The following PAX7 variants were observed in gnomAD, a reference collection of about 807,000 sequenced individuals.
PAX7 encodes the protein paired box protein Pax-7.
A neutral mutation model predicts 50.7 loss-of-function variants in PAX7; 18 were observed. The observed-to-expected ratio is 0.36, with a 90% CI of 0.25 to 0.53. The LOEUF (loss-of-function observed/expected upper bound fraction) is 0.53, where lower values mean the gene tolerates loss of function less well. PAX7 is among the 20% of genes least tolerant of loss of function. The pLI is 0.93. For missense variants in PAX7, 644 were observed against 702.9 expected, an observed-to-expected ratio of 0.92 and a Z score of 0.95; for synonymous variants, 310 against 290.4, an observed-to-expected ratio of 1.07 and a Z score of -0.69.
rs182975828 is a variant in PAX7 at position 18,639,097 on chromosome 1, C to T, written c.586+2726C>T. 9.3e-4 allele frequency among the ~76,000 whole-genome samples: 142 copies of T among 152,298 alleles called. 1 individual carries two copies. Among genetic ancestry groups the T allele is most frequent in the Non-Finnish European group, 1.6e-3 (106 of 68,030 alleles). On this transcript the variant is annotated intron_variant, in intron 4 of 8. Coordinates refer to ENST00000420770, the MANE Select transcript of PAX7 (RefSeq NM_001135254.2). ...TTTAAGCACTAAAGAGAGATCCCTCCCTGAGTCCGTTTTTTCCTATCGTCC... is the reference window on the plus strand; with the variant it reads ...TTTAAGCACTAAAGAGAGATCCCTCTCTGAGTCCGTTTTTTCCTATCGTCC...
intron 8 of PAX7, among the ~76,000 whole-genome samples, chr1:18,739,623 C>T (rs1409017891): frequency 6.6e-6 from 1 of 152,212 alleles, no homozygotes; most frequent in Admixed American, 6.5e-5. Flanking sequence ...CACAGCCACA[C>T]CTGCAGCCTG....
At position 18,688,519 on chromosome 1, in the gene PAX7, T is replaced by C. The variant is rs925180692; in HGVS notation, c.587-3235T>C. Among the ~76,000 whole-genome samples, 5 of 152,230 alleles carry C rather than the reference T, an allele frequency of 3.3e-5. No individual in the cohort carries two copies. In the East Asian group the frequency reaches 5.8e-4, roughly 18 times the overall value. Reference sequence around the variant, plus strand: ...CCCCATGTAGCTAGTACTGCCACATTGAACACTGCGAATCTAGAACGTTTC... The same window carrying C: ...CCCCATGTAGCTAGTACTGCCACATCGAACACTGCGAATCTAGAACGTTTC... On this transcript the variant is annotated intron_variant, in intron 4 of 8. Transcript: ENST00000420770.
intron 4 of PAX7, among the ~76,000 whole-genome samples, chr1:18,668,694 A>G (rs2088701659): frequency 6.6e-6 from 1 of 152,074 alleles, no homozygotes; most frequent in Non-Finnish European, 1.5e-5. Flanking sequence ...ACAGAGTGAG[A>G]CTCTGTTTCA....
At chr1:18,730,868 G>A (rs1193591988) in intron 7 of PAX7, among the ~76,000 whole-genome samples, 1 of 151,874 alleles carries the variant, frequency 6.6e-6, no homozygotes, top group Non-Finnish European at 1.5e-5. Flanking sequence ...TCTGGTCGAG[G>A]CTGGGACTGA....
At chr1:18,679,413 G>A (rs1002862170) in intron 4 of PAX7, among the ~76,000 whole-genome samples, 77 of 152,324 alleles carry the variant, frequency 5.1e-4, no homozygotes, top group African/African-American at 1.7e-3. Context: ...TTTCACAGCC[G>A]CTTTGTGGGG....
intron 8 of PAX7, among the ~76,000 whole-genome samples, chr1:18,744,272 T>C (rs1287826610): frequency 6.6e-6 from 1 of 152,178 alleles, no homozygotes; most frequent in East Asian, 1.9e-4. Flanking sequence ...GTGGGCTTGT[T>C]GAGGGGTGGT....
chr1:18,683,464 G>A (rs988192192), intron 4 of PAX7, among the ~76,000 whole-genome samples: 1 of 152,202 alleles, frequency 6.6e-6, no homozygotes, highest in African/African-American at 2.4e-5. Context: ...ACTTTGTGCT[G>A]AGCATTGGAG....
chr1:18,674,572 G>A (rs566060550), intron 4 of PAX7, among the ~76,000 whole-genome samples: 64 of 152,328 alleles, frequency 4.2e-4, no homozygotes, highest in African/African-American at 1.5e-3. Context: ...GCAGGAGCAG[G>A]CACAGAGAAA....
Position 18,745,572 on chromosome 1 carries a change from A to G in PAX7, c.*643A>G, listed in dbSNP as rs1931405834. On this transcript the variant is annotated 3_prime_UTR_variant, in exon 9 of 9. Coordinates refer to ENST00000420770, the MANE Select transcript of PAX7 (RefSeq NM_001135254.2). The stretch of plus-strand genomic sequence containing the variant: ...CTCCCCAGACACCTCTACTGGGTGC[A>G]TGGGGAAATCTAGCACAGGCAGGGA... 1 of 230,410 alleles carries G rather than the reference A, an allele frequency of 4.3e-6. No individual in the cohort carries two copies. Among genetic ancestry groups the G allele is most frequent in the African/African-American group, 2.2e-5 (1 of 45,156 alleles). 14.3% of individuals were successfully genotyped at this position (230,410 alleles called of 1,614,324 possible).
chr1:18,665,215 T>C (rs2088651501), intron 4 of PAX7, among the ~76,000 whole-genome samples: 2 of 152,096 alleles, frequency 1.3e-5, no homozygotes, highest in Non-Finnish European at 2.9e-5. Context: ...GTGGAGGATG[T>C]CCCAGCTCTC....
chr1:18,634,147 C>T lies in PAX7; in HGVS notation c.86-156C>T, dbSNP rs1482978818. Among the ~76,000 whole-genome samples the T allele has an allele frequency of 1.3e-5, 2 of 152,222 alleles. No individual in the cohort carries two copies. Among genetic ancestry groups the T allele is most frequent in the African/African-American group, 4.8e-5 (2 of 41,464 alleles). ...TTATGACAGTTGTTTCTCAAACTAC[C>T]TACCTACCGAAGCCCCAGTGTGAGG... On this transcript the variant is annotated intron_variant, in intron 1 of 8. Coordinates refer to ENST00000420770, the MANE Select transcript of PAX7 (RefSeq NM_001135254.2). This position sits in a 1 kb window ranked among gnomAD's most constrained non-coding sequence, Gnocchi z 4.0.
Position 18,634,247 on chromosome 1 carries a change from G to T in PAX7, c.86-56G>T, listed in dbSNP as rs978509965. 3 of 1,403,718 alleles carry T rather than the reference G, an allele frequency of 2.1e-6. No homozygotes were observed. The highest frequency in any genetic ancestry group is 1.2e-5 in the South Asian group (1 of 80,174). The allele number at this position is 1,403,718 out of a possible 1,614,324, so 87.0% of individuals were successfully genotyped here. On this transcript the variant is annotated intron_variant, in intron 1 of 8. Coordinates refer to ENST00000420770, the MANE Select transcript of PAX7 (RefSeq NM_001135254.2). The surrounding 1 kb of genome is among the most constrained non-coding windows in gnomAD (Gnocchi z 4.0). The stretch of plus-strand genomic sequence containing the variant: ...GAGTCAGGGAGTGTACTCAGTGTCT[G>T]CTCTCCATCCTCACCCTGCACCTCT...
Position 18,735,623 on chromosome 1 carries a change from T to C in PAX7, c.1156-9T>C. 1.2e-6 allele frequency: 2 copies of C among 1,605,980 alleles called. No homozygotes were observed. The highest frequency in any genetic ancestry group is 1.7e-6 in the Non-Finnish European group (2 of 1,174,092). On this transcript the variant is annotated splice_polypyrimidine_tract_variant and intron_variant, in intron 7 of 8. Transcript: ENST00000420770. This position sits in a 1 kb window ranked among gnomAD's most constrained non-coding sequence, Gnocchi z 4.0. Reference sequence around the variant, plus strand: ...GGTGAGCCTGGCACTAATGGCCTTTTCCCCACAGGTGATGAGCATCTTGGG... The same window carrying C: ...GGTGAGCCTGGCACTAATGGCCTTTCCCCCACAGGTGATGAGCATCTTGGG...
intron 4 of PAX7, among the ~76,000 whole-genome samples, chr1:18,638,575 G>A (rs932550473): frequency 1.3e-5 from 2 of 152,232 alleles, no homozygotes; most frequent in Non-Finnish European, 2.9e-5. Context: ...TGCGCTGATT[G>A]TGCTTTGAAT....
intron 5 of PAX7, among the ~76,000 whole-genome samples, chr1:18,699,639 C>T (rs1184036852): frequency 6.6e-6 from 1 of 151,468 alleles, no homozygotes. Context: ...CAGCTCACTG[C>T]AAGCTCTGCC....
In PAX7 at chr1:18,721,292, G is replaced by A. The variant is rs115149668; in HGVS notation, c.1156-14340G>A. On this transcript the variant is annotated intron_variant, in intron 7 of 8. Transcript: ENST00000420770. ...CAAGTGTTTTCCTTTAGTTCCAGAT[G>A]CCACCCTGACAGGTGCTACCCTGTG... 2.4e-3 allele frequency among the ~76,000 whole-genome samples: 372 copies of A among 152,244 alleles called. 1 individual carries two copies. Among genetic ancestry groups the A allele is most frequent in the Non-Finnish European group, 4.6e-3 (313 of 68,006 alleles).
chr1:18,675,903 G>A (rs533279185), intron 4 of PAX7, among the ~76,000 whole-genome samples: 14 of 152,292 alleles, frequency 9.2e-5, no homozygotes, highest in Non-Finnish European at 1.3e-4. Context: ...CCTGATCAGG[G>A]CAGGTGACAG....
chr1:18,633,391 A>G (rs2088089542), intron 1 of PAX7, among the ~76,000 whole-genome samples: 1 of 152,252 alleles, frequency 6.6e-6, no homozygotes, highest in Non-Finnish European at 1.5e-5. Context: ...CATTAAGGCA[A>G]CCAGGCGTTC....
chr1:18,654,496 T>G (rs1170017303), intron 4 of PAX7, among the ~76,000 whole-genome samples: 1 of 151,438 alleles, frequency 6.6e-6, no homozygotes, highest in African/African-American at 2.5e-5. Context: ...GGTGCTCATG[T>G]GCAATGCCTT....
Sources: gnomAD v4.1 joint callset for allele counts (sites outside exome capture counted in the v4.1 genomes callset) on GRCh38, gnomAD v4.1.1 for gene constraint, Gnocchi (gnomAD v3.1) non-coding constraint, MANE v1.5 for transcripts, NCBI Gene and HGNC (gene_info 2026-07-23, HGNC 2026-07-21) for gene names.